Variants in SORCS3 observed in about 807,000 individuals in gnomAD.
SORCS3 encodes sortilin related VPS10 domain containing receptor 3.
A neutral mutation model predicts 146.3 loss-of-function variants in SORCS3; 57 were observed. The ratio of observed to expected loss-of-function variants is 0.39; its 90% CI spans 0.31 to 0.49. The LOEUF is 0.49. SORCS3 is among the 20% of genes least tolerant of loss of function. The pLI, the probability that SORCS3 is intolerant of heterozygous loss-of-function variation, is 0.92. For synonymous variants in SORCS3, 653 were observed against 618.5 expected (o/e 1.06, Z -0.83); for missense variants, 1,341 against 1,575.5 (o/e 0.85, Z 2.52).
At chr10:104,757,150 C>T (rs1241496599) in intron 1 of SORCS3, among the ~76,000 whole-genome samples, 1 of 151,038 alleles carries the variant, frequency 6.6e-6, no homozygotes, top group Non-Finnish European at 1.5e-5. Context: ...CTGCCAGAGG[C>T]CCCCTGACCC....
At chr10:104,684,784 T>G (rs1006865876) in intron 1 of SORCS3, among the ~76,000 whole-genome samples, 17 of 3,432 alleles carry the variant, frequency 5.0e-3, no homozygotes, top group Non-Finnish European at 6.3e-3. Flanking sequence ...TCAGTGTTTT[T>G]TTTTTTTTTT....
At chr10:104,744,674 C>T (rs751468702) in intron 1 of SORCS3, among the ~76,000 whole-genome samples, 1 of 152,166 alleles carries the variant, frequency 6.6e-6, no homozygotes, top group Non-Finnish European at 1.5e-5. Flanking sequence ...AATTTCCTCC[C>T]ACACTGATGC....
At chr10:104,982,935 C>T (rs897631225) in intron 4 of SORCS3, among the ~76,000 whole-genome samples, 7 of 152,170 alleles carry the variant, frequency 4.6e-5, no homozygotes, top group African/African-American at 7.2e-5. Flanking sequence ...AACATTCATT[C>T]GAATGAACAA....
At chr10:104,979,067 G>T (rs1427903702) in intron 4 of SORCS3, among the ~76,000 whole-genome samples, 1 of 152,100 alleles carries the variant, frequency 6.6e-6, no homozygotes. Flanking sequence ...GACACCTTCC[G>T]TAAACTCCCT....
chr10:105,260,395 A>G (rs2056953701), intron 25 of SORCS3, among the ~76,000 whole-genome samples: 1 of 152,192 alleles, frequency 6.6e-6, no homozygotes, highest in African/African-American at 2.4e-5. Context: ...CATTTATATA[A>G]AAAGGAATAT....
chr10:104,659,868 T>A (rs533077416), intron 1 of SORCS3, among the ~76,000 whole-genome samples: 8 of 152,180 alleles, frequency 5.3e-5, no homozygotes, highest in Non-Finnish European at 1.0e-4. Flanking sequence ...TTCACTCTCC[T>A]GTGAGGGTGT....
intron 5 of SORCS3, among the ~76,000 whole-genome samples, chr10:105,088,819 A>G (rs750383178): frequency 6.6e-6 from 1 of 152,160 alleles, no homozygotes; most frequent in Non-Finnish European, 1.5e-5. Flanking sequence ...CTTGGGTCTC[A>G]CCATTTTCAA....
At chr10:104,770,428 G>T (rs1442312707) in intron 1 of SORCS3, among the ~76,000 whole-genome samples, 1 of 152,074 alleles carries the variant, frequency 6.6e-6, no homozygotes, top group Non-Finnish European at 1.5e-5. Flanking sequence ...CAGTTTTGTG[G>T]GTTTTACTGT....
At chr10:105,155,806 A>T (rs1337141193) in intron 9 of SORCS3, among the ~76,000 whole-genome samples, 3 of 152,128 alleles carry the variant, frequency 2.0e-5, no homozygotes, top group Admixed American at 6.5e-5. Flanking sequence ...AATCTAATCA[A>T]TTCCATTGTT....
chr10:104,810,810 T>C (rs906245111), intron 1 of SORCS3, among the ~76,000 whole-genome samples: 1 of 152,260 alleles, frequency 6.6e-6, no homozygotes, highest in African/African-American at 2.4e-5. Context: ...TTGTGGAAAC[T>C]TTCCTAGCAA....
intron 4 of SORCS3, among the ~76,000 whole-genome samples, chr10:104,991,342 G>T (rs1231669652): frequency 6.6e-6 from 1 of 152,072 alleles, no homozygotes. Context: ...ACATTTCTGA[G>T]ATCAAGGTGT....
At chr10:104,670,044 G>A (rs897253231) in intron 1 of SORCS3, among the ~76,000 whole-genome samples, 3 of 151,954 alleles carry the variant, frequency 2.0e-5, no homozygotes, top group African/African-American at 7.2e-5. Flanking sequence ...GTCTATTCAA[G>A]TCCTTTGCCC....
chr10:105,191,020 A>G (rs1458215824), intron 14 of SORCS3, among the ~76,000 whole-genome samples: 1 of 152,206 alleles, frequency 6.6e-6, no homozygotes, highest in East Asian at 1.9e-4. Context: ...TAGTTCCAGG[A>G]TTGGGGCTCT....
chr10:104,892,271 G>A (rs1276378018), intron 2 of SORCS3, among the ~76,000 whole-genome samples: 1 of 152,128 alleles, frequency 6.6e-6, no homozygotes, highest in Non-Finnish European at 1.5e-5. Flanking sequence ...GTTGGGATTA[G>A]GTATTATTTT....
At chr10:105,067,970 C>G (rs971807752) in intron 5 of SORCS3, among the ~76,000 whole-genome samples, 1 of 151,924 alleles carries the variant, frequency 6.6e-6, no homozygotes, top group Non-Finnish European at 1.5e-5. Flanking sequence ...GACACATTTC[C>G]CCACTCTCAT....
intron 6 of SORCS3, among the ~76,000 whole-genome samples, chr10:105,097,307 C>A (rs2133747258): frequency 6.6e-6 from 1 of 152,322 alleles, no homozygotes; most frequent in Non-Finnish European, 1.5e-5. Context: ...GCAAAGCCAA[C>A]CAGTTTGGTT....
At chr10:104,679,458 C>T (rs1442446107) in intron 1 of SORCS3, among the ~76,000 whole-genome samples, 5 of 152,218 alleles carry the variant, frequency 3.3e-5, no homozygotes, top group African/African-American at 1.2e-4. Context: ...TTGAAGGAAA[C>T]ATACTCACAG....
chr10:105,250,922 T>G (rs1306169753), intron 22 of SORCS3, among the ~76,000 whole-genome samples: 1 of 152,118 alleles, frequency 6.6e-6, no homozygotes, highest in African/African-American at 2.4e-5. Context: ...TAAGCCTAAT[T>G]CCAAATAGGA....
At chr10:104,693,215 A>G (rs1049893129) in intron 1 of SORCS3, among the ~76,000 whole-genome samples, 2 of 152,114 alleles carry the variant, frequency 1.3e-5, no homozygotes, top group African/African-American at 4.8e-5. Context: ...GTTATCCTTC[A>G]CTTGTGCAGC....
Sources: allele counts gnomAD v4.1 joint callset (sites outside exome capture counted in the v4.1 genomes callset), GRCh38; gene constraint gnomAD v4.1.1; transcripts MANE v1.5; gene names NCBI Gene and HGNC (gene_info 2026-07-23, HGNC 2026-07-21).